MBTD1: variants seen among roughly 807,000 people sequenced by gnomAD.
MBTD1 encodes the protein mbt domain containing 1.
MBTD1 carries 24 observed loss-of-function variants against 87.8 expected under a neutral mutation model. That is an observed-to-expected ratio of 0.27 (90% CI 0.20 to 0.38). The LOEUF (loss-of-function observed/expected upper bound fraction) is 0.38, where lower values mean the gene tolerates loss of function less well. Ranked by LOEUF, MBTD1 falls within the 10% of genes least tolerant of loss-of-function variation. The probability of loss-of-function intolerance (pLI) is 1.00; values close to 1 mark genes in which losing one functional copy is unlikely to be tolerated. For synonymous variants in MBTD1, 237 were observed against 248.6 expected (o/e 0.95, Z 0.44); for missense variants, 436 against 760.2 (o/e 0.57, Z 5.02).
chr17:51,219,347 T>C (rs2052753222), intron 4 of MBTD1, among the ~76,000 whole-genome samples: 1 of 152,226 alleles, frequency 6.6e-6, no homozygotes, highest in Non-Finnish European at 1.5e-5. Flanking sequence ...GATACTTGAT[T>C]CCTTCTTACA....
chr17:51,240,758 C>T lies in MBTD1; in HGVS notation c.-48-15549G>A, dbSNP rs184262871. On this transcript the variant is annotated intron_variant, in intron 2 of 16. Coordinates refer to ENST00000586178, the MANE Select transcript of MBTD1 (RefSeq NM_017643.3). ...CTATGTATACCCCACATTTAAGGAA[C>T]AGGGAGTTATATACTCCCCTTCTTG... Among the ~76,000 whole-genome samples, 13 of 152,240 alleles carry T rather than the reference C, an allele frequency of 8.5e-5. No individual in the cohort carries two copies. The East Asian group carries it at 1.2e-3, about 14-fold the overall frequency.
intron 16 of MBTD1, chr17:51,185,712 T>C (rs888847579): frequency 1.3e-5 from 2 of 152,200 alleles, no homozygotes; most frequent in Non-Finnish European, 2.9e-5. Context: ...TCAAGTCACA[T>C]ACAATTCTGC....
chr17:51,201,739 T>A (rs767920351), intron 11 of MBTD1, 43 bp from the exon 12 acceptor site: 2 of 1,277,244 alleles, frequency 1.6e-6, no homozygotes, highest in Non-Finnish European at 2.3e-6. Flanking sequence ...ACAAATGTTG[T>A]TATTTTGATA....
chr17:51,247,800 C>G (rs2054535722), intron 2 of MBTD1, among the ~76,000 whole-genome samples: 1 of 152,206 alleles, frequency 6.6e-6, no homozygotes, highest in Non-Finnish European at 1.5e-5. Context: ...TTTCTATACT[C>G]ATGTAGCATC....
intron 12 of MBTD1, among the ~76,000 whole-genome samples, chr17:51,197,576 T>C (rs901319702): frequency 1.3e-5 from 2 of 151,572 alleles, no homozygotes; most frequent in Admixed American, 6.6e-5. Flanking sequence ...GGTACAATCA[T>C]GGCTCACTGC....
At position 51,195,610 on chromosome 17, in the gene MBTD1, G is replaced by A. The variant is rs554766377; in HGVS notation, c.1225-249C>T. ...CTCAGAGGTCTGGGAAAAGCAGTGC[G>A]TTTGACCATAGCTATAGCTGCCTGC... On this transcript the variant is annotated intron_variant, in intron 12 of 16. Transcript: ENST00000586178. Among the ~76,000 whole-genome samples the A allele has an allele frequency of 2.0e-5, 3 of 152,296 alleles. No homozygotes were observed. In the East Asian group the frequency reaches 5.8e-4, roughly 29 times the overall value.
intron 16 of MBTD1, among the ~76,000 whole-genome samples, chr17:51,190,345 A>G (rs2050735102): frequency 6.6e-6 from 1 of 152,056 alleles, no homozygotes; most frequent in African/African-American, 2.4e-5. Context: ...GTCTAAAGCC[A>G]TCCGCCTTGG....
chr17:51,252,628 G>T (rs1242753311), intron 2 of MBTD1, among the ~76,000 whole-genome samples: 1 of 151,988 alleles, frequency 6.6e-6, no homozygotes, highest in Non-Finnish European at 1.5e-5. Context: ...CAGCTACCAG[G>T]GAGGCTGAGG....
intron 2 of MBTD1, among the ~76,000 whole-genome samples, chr17:51,233,679 A>T (rs2053666568): frequency 6.6e-6 from 1 of 152,162 alleles, no homozygotes; most frequent in South Asian, 2.1e-4. Flanking sequence ...AAAACAAAAC[A>T]AAACAAATTT....
intron 12 of MBTD1, among the ~76,000 whole-genome samples, chr17:51,195,770 C>A (rs2051063886): frequency 6.6e-6 from 1 of 152,200 alleles, no homozygotes; most frequent in African/African-American, 2.4e-5. Flanking sequence ...TACAAACGGT[C>A]TCTACCTTCT....
At chr17:51,202,241 T>G (rs981499079) in intron 10 of MBTD1, among the ~76,000 whole-genome samples, 164 bp from the exon 11 acceptor site, 2 of 152,228 alleles carry the variant, frequency 1.3e-5, no homozygotes, top group African/African-American at 2.4e-5. Context: ...CTTTTCTCTC[T>G]TCAGAGTACA....
At chr17:51,201,814 C>T in intron 11 of MBTD1, 118 bp from the exon 12 acceptor site, 1 of 777,186 alleles carries the variant, frequency 1.3e-6, no homozygotes, top group Non-Finnish European at 2.2e-6. Context: ...AATATTATAA[C>T]TCAAACTTCC....
intron 5 of MBTD1, among the ~76,000 whole-genome samples, chr17:51,218,472 T>C (rs2052699761): frequency 7.1e-6 from 1 of 141,744 alleles, no homozygotes; most frequent in African/African-American, 2.7e-5. Context: ...GAGGTTACAG[T>C]GAGCCGAGAT....
At chr17:51,260,551 A>C (rs771128021), upstream of MBTD1, 7 of 1,592,200 alleles carry the variant, frequency 4.4e-6, no homozygotes, top group Non-Finnish European at 8.5e-7. Context: ...GCGAGGTTCC[A>C]CGTGAGCGCC....
upstream of MBTD1, chr17:51,260,464 C>A: frequency 3.6e-6 from 4 of 1,100,666 alleles, no homozygotes; most frequent in South Asian, 3.3e-5. Flanking sequence ...GGTCACGTGG[C>A]AAGAGGCTGC....
At chr17:51,221,587 C>T (rs1233876312) in intron 3 of MBTD1, among the ~76,000 whole-genome samples, 3 of 152,140 alleles carry the variant, frequency 2.0e-5, no homozygotes, top group Admixed American at 2.0e-4. Context: ...TCTGTGCTTC[C>T]ATGGGTTCTG....
intron 2 of MBTD1, among the ~76,000 whole-genome samples, chr17:51,241,164 G>A (rs749229351): frequency 6.6e-6 from 1 of 151,966 alleles, no homozygotes; most frequent in Non-Finnish European, 1.5e-5. Flanking sequence ...TTGTAGAGAC[G>A]GAGTTTTGCC....
chr17:51,187,623 G>A (rs1467980513), intron 16 of MBTD1, among the ~76,000 whole-genome samples: 2 of 152,056 alleles, frequency 1.3e-5, no homozygotes, highest in South Asian at 2.1e-4. Flanking sequence ...GCCGAGGCAG[G>A]TGGATCACTT....
rs1415619973 is a variant in MBTD1 at position 51,179,482 on chromosome 17, TTTTATA to T, written c.*1088_*1093del. ...AAATCCTGAATACAATTAAAGACAA[TTTTATA>T]TATATATATATATATATATATATAT... is the stretch of plus-strand genomic sequence containing the variant. On this transcript the variant is annotated 3_prime_UTR_variant, in exon 17 of 17. Coordinates refer to ENST00000586178, the MANE Select transcript of MBTD1 (RefSeq NM_017643.3). 0.015 allele frequency: 467 copies of T among 31,552 alleles called. 56 individuals carry two copies. The highest frequency in any genetic ancestry group is 0.048 in the African/African-American group (272 of 5,642). The allele number at this position is 31,552 out of a possible 1,614,324, so 2.0% of individuals were successfully genotyped here. A position where few individuals can be genotyped will look rare whatever the true frequency, so the allele number is the denominator to read the frequency against.
Sources: gnomAD v4.1 joint callset for allele counts (sites outside exome capture counted in the v4.1 genomes callset) on GRCh38, gnomAD v4.1.1 for gene constraint, MANE v1.5 for transcripts, NCBI Gene and HGNC (gene_info 2026-07-23, HGNC 2026-07-21) for gene names.